OBI1: variants seen among roughly 807,000 people sequenced by gnomAD.
OBI1 encodes the protein ORC ubiquitin ligase 1.
A neutral mutation model predicts 62.4 loss-of-function variants in OBI1; 59 were observed. The ratio of observed to expected loss-of-function variants is 0.95; its 90% CI spans 0.77 to 1.17. The LOEUF is 1.17. Ranked by LOEUF, OBI1 falls within the 50% of genes most tolerant of loss-of-function variation. The pLI is 0.00. For missense variants in OBI1, 875 were observed against 830.9 expected (o/e 1.05, Z -0.65); for synonymous variants, 302 against 292.8 (o/e 1.03, Z -0.32).
intron 5 of OBI1, among the ~76,000 whole-genome samples, chr13:78,633,876 G>A (rs1352554277): frequency 1.3e-5 from 2 of 151,942 alleles, no homozygotes; most frequent in Non-Finnish European, 2.9e-5. Context: ...GACCATCTTG[G>A]CTAACACGGT....
chr13:78,629,391 T>A (rs945521415), intron 5 of OBI1, among the ~76,000 whole-genome samples: 4 of 152,106 alleles, frequency 2.6e-5, no homozygotes, highest in Non-Finnish European at 1.5e-5. Context: ...ACTATTAAGG[T>A]GAGTTAGTAG....
chr13:78,657,429 G>A (rs1666699985), intron 1 of OBI1, among the ~76,000 whole-genome samples: 1 of 150,810 alleles, frequency 6.6e-6, no homozygotes, highest in South Asian at 2.1e-4. Context: ...AGACACAAAT[G>A]ATAGTATAGA....
intron 5 of OBI1, among the ~76,000 whole-genome samples, chr13:78,624,016 T>G (rs1414711510): frequency 6.6e-6 from 1 of 152,192 alleles, no homozygotes; most frequent in Admixed American, 6.5e-5. Context: ...AATACTTAAA[T>G]GTGCTATGTA....
chr13:78,645,770 C>G lies in OBI1; in HGVS notation c.73-773G>C, dbSNP rs9318569. Among the ~76,000 whole-genome samples the G allele has an allele frequency of 3.4e-3, 514 of 152,312 alleles. 3 individuals carry two copies. Among genetic ancestry groups the G allele is most frequent in the African/African-American group, 0.011 (470 of 41,556 alleles). ...GGTTCAAGCAATTCTCCTGTCTCAGCCTCCCGAGTAGCTGGGACTACAGGC... is the reference window on the plus strand; with the variant it reads ...GGTTCAAGCAATTCTCCTGTCTCAGGCTCCCGAGTAGCTGGGACTACAGGC... On this transcript the variant is annotated intron_variant, in intron 1 of 5. Transcript: ENST00000282003.
At chr13:78,654,943 TC>T (rs35790968) in intron 1 of OBI1, among the ~76,000 whole-genome samples, 93,081 of 152,014 alleles carry the variant, frequency 0.61, 28,946 homozygotes, top group Middle Eastern at 0.71. Flanking sequence ...CCAAATGTTT[TC>T]AAAATACTCT....
chr13:78,616,342 G>GTAT lies in OBI1; in HGVS notation c.1418_1419insATA (p.Ser473delinsArgTyr). 6.2e-7 allele frequency: 1 copy of GTAT among 1,614,014 alleles called. No homozygotes were observed. The highest frequency in any genetic ancestry group is 8.5e-7 in the Non-Finnish European group (1 of 1,179,900). ...TTTCAAAATCTAAGTTTTGGGCATA[G>GTAT]CTTGTGGAACAACAGTCCCAAAATC... On this transcript the variant is annotated protein_altering_variant, in exon 6 of 6. Transcript: ENST00000282003.
intron 1 of OBI1, 116 bp from the exon 2 acceptor site, chr13:78,645,113 G>A (rs1252994639): frequency 3.0e-6 from 3 of 985,614 alleles, no homozygotes; most frequent in East Asian, 5.0e-5. Flanking sequence ...GTTTAAGAAG[G>A]GATATCTAGC....
chr13:78,618,514 T>C (rs1593784275), intron 5 of OBI1, among the ~76,000 whole-genome samples: 1 of 152,160 alleles, frequency 6.6e-6, no homozygotes, highest in South Asian at 2.1e-4. Context: ...CCCAATTCAT[T>C]CCCCATCTCA....
chr13:78,633,243 T>A (rs1031465358), intron 5 of OBI1, among the ~76,000 whole-genome samples: 1 of 152,150 alleles, frequency 6.6e-6, no homozygotes, highest in Non-Finnish European at 1.5e-5. Context: ...CACTAATTTG[T>A]CAAAGTAGGA....
In OBI1 at chr13:78,615,496, GA is replaced by G. The variant is rs2137420467; in HGVS notation, c.*83del. On this transcript the variant is annotated 3_prime_UTR_variant, in exon 6 of 6. Transcript: ENST00000282003. Reference sequence around the variant, plus strand: ...AAGATTATCAATTCCAATTTGTATAGAACTTTTATGAGGAAAAAAGGTAACT... The same window carrying G: ...AAGATTATCAATTCCAATTTGTATAGACTTTTATGAGGAAAAAAGGTAACT... The G allele has an allele frequency of 1.0e-6, 1 of 995,714 alleles. No homozygotes were observed. The highest frequency in any genetic ancestry group is 1.5e-6 in the Non-Finnish European group (1 of 668,868). 61.7% of individuals were successfully genotyped at this position (995,714 alleles called of 1,614,324 possible). A position where few individuals can be genotyped will look rare whatever the true frequency, so the allele number is the denominator to read the frequency against.
At chr13:78,656,958 T>G (rs1876730628) in intron 1 of OBI1, among the ~76,000 whole-genome samples, 1 of 151,918 alleles carries the variant, frequency 6.6e-6, no homozygotes, top group Non-Finnish European at 1.5e-5. Flanking sequence ...GCAAATTTTG[T>G]ATTTTTAGTA....
At chr13:78,634,766 ACTAT>A (rs1326792525) in intron 5 of OBI1, among the ~76,000 whole-genome samples, 4 of 152,216 alleles carry the variant, frequency 2.6e-5, no homozygotes, top group South Asian at 4.1e-4. Context: ...TATTACTAAG[ACTAT>A]CTAAGAAAAT....
intron 3 of OBI1, 45 bp from the exon 4 acceptor site, chr13:78,639,116 C>CACAT: frequency 1.3e-6 from 2 of 1,559,600 alleles, no homozygotes; most frequent in Non-Finnish European, 1.7e-6. Context: ...AGACACTAAA[C>CACAT]ACATACATAC....
In OBI1 at chr13:78,616,653, T is replaced by C; in HGVS notation, c.1108A>G (p.Asn370Asp). 1 of 1,614,130 alleles carries C rather than the reference T, an allele frequency of 6.2e-7. No homozygotes were observed. The highest frequency in any genetic ancestry group is 1.3e-5 in the African/African-American group (1 of 75,038). The change falls in exon 6 of 6, where the codon AAT becomes GAT. Residue 370 changes from asparagine to aspartate, a missense_variant. Physicochemically the swap from Asn to Asp is conservative, Grantham distance 23. Coordinates refer to ENST00000282003, the MANE Select transcript of OBI1 (RefSeq NM_024546.4). ...TAGGGTACACAGTCACTTGGTTTATTCCCCCATTCTCTTTCCAAATAAGTA... is the reference window on the plus strand; with the variant it reads ...TAGGGTACACAGTCACTTGGTTTATCCCCCCATTCTCTTTCCAAATAAGTA... ...MDTYLEREWGNKPSDCVPYKD... is the reference protein window; with the variant it reads ...MDTYLEREWGDKPSDCVPYKD...
chr13:78,617,259 G>T, intron 5 of OBI1, 137 bp from the exon 6 acceptor site: 1 of 562,644 alleles, frequency 1.8e-6, no homozygotes, highest in Non-Finnish European at 2.9e-6. Flanking sequence ...TAGGGCAAAT[G>T]CCAGATGTAT....
chr13:78,656,367 T>TG (rs147122483), intron 1 of OBI1, among the ~76,000 whole-genome samples: 55,883 of 151,792 alleles, frequency 0.37, 10,591 homozygotes, highest in African/African-American at 0.39. Flanking sequence ...GCAGATCACC[T>TG]AGTTCGGGAG....
chr13:78,631,234 T>C (rs891279026), intron 5 of OBI1, among the ~76,000 whole-genome samples: 1 of 152,092 alleles, frequency 6.6e-6, no homozygotes, highest in Admixed American at 6.6e-5. Flanking sequence ...AATGCAGTGG[T>C]TGCAATAGTG....
chr13:78,641,166 T>C (rs566137482), intron 3 of OBI1, among the ~76,000 whole-genome samples: 334 of 152,324 alleles, frequency 2.2e-3, no homozygotes, highest in Non-Finnish European at 3.6e-3. Flanking sequence ...TCCCAAAGGA[T>C]TAATTTGTTT....
intron 1 of OBI1, among the ~76,000 whole-genome samples, chr13:78,654,767 A>T (rs1350753761): frequency 6.6e-6 from 1 of 152,250 alleles, no homozygotes; most frequent in Non-Finnish European, 1.5e-5. Flanking sequence ...TATTTCAGCC[A>T]GAACACTTGC....
Sources: gnomAD v4.1 joint callset for allele counts (sites outside exome capture counted in the v4.1 genomes callset) on GRCh38, gnomAD v4.1.1 for gene constraint, MANE v1.5 for transcripts, NCBI Gene and HGNC (gene_info 2026-07-23, HGNC 2026-07-21) for gene names.